The following ANTXRL variants were observed in gnomAD, a reference collection of about 807,000 sequenced individuals.
The protein encoded by ANTXRL is anthrax toxin receptor-like.
ANTXRL carries 63 observed loss-of-function variants against 75.4 expected under a neutral mutation model. That is an observed-to-expected ratio of 0.84 (90% CI 0.68 to 1.03). The LOEUF (loss-of-function observed/expected upper bound fraction) is 1.03, where lower values mean the gene tolerates loss of function less well. Among genes scored for constraint, ANTXRL ranks in the 50% least tolerant of loss-of-function variants. The probability of loss-of-function intolerance (pLI) is 0.00; values close to 1 mark genes in which losing one functional copy is unlikely to be tolerated. For missense variants in ANTXRL, 797 were observed against 789.4 expected, an observed-to-expected ratio of 1.01 and a Z score of -0.12; for synonymous variants, 335 against 291.3, an observed-to-expected ratio of 1.15 and a Z score of -1.53.
intron 1 of ANTXRL, among the ~76,000 whole-genome samples, chr10:46,291,658 C>A (rs1252154797): frequency 6.6e-6 from 1 of 151,992 alleles, no homozygotes; most frequent in African/African-American, 2.4e-5. Flanking sequence ...GTATTTTGTT[C>A]TGTTTGATGC....
At chr10:46,287,795 C>T (rs1242228234) in intron 1 of ANTXRL, among the ~76,000 whole-genome samples, 2 of 152,184 alleles carry the variant, frequency 1.3e-5, no homozygotes, top group East Asian at 3.8e-4. Context: ...CATCCTCACG[C>T]TGCTGCAACA....
At chr10:46,288,637 C>G (rs1836857472) in intron 1 of ANTXRL, among the ~76,000 whole-genome samples, 2 of 152,140 alleles carry the variant, frequency 1.3e-5, no homozygotes. Context: ...CATTCTGTGC[C>G]TTCGTGTCCC....
intron 14 of ANTXRL, 21 bp downstream of exon 14, chr10:46,310,520 C>T (rs1237462744): frequency 3.3e-6 from 5 of 1,535,626 alleles, no homozygotes; most frequent in East Asian, 4.9e-5. Context: ...GTTCTGGTCC[C>T]GATATTGTCA....
chr10:46,329,863 C>A lies in ANTXRL; in HGVS notation c.1675C>A (p.His559Asn). The A allele has an allele frequency of 6.5e-7, 1 of 1,535,358 alleles. No individual in the cohort carries two copies. The highest frequency in any genetic ancestry group is 8.7e-7 in the Non-Finnish European group (1 of 1,146,402). Residue 559 changes from histidine to asparagine, a missense_variant, in exon 17 of 17, where the codon CAC (histidine) becomes AAC (asparagine). Coordinates refer to ENST00000620264, the MANE Select transcript of ANTXRL (RefSeq NM_001278688.3). The part of the protein sequence containing the change: ...APCSPRICLR[H>N]SPEYFSQAQT... ...CTGCAGCCCAAGGATCTGCCTGAGA[C>A]ACAGCCCGGAGTACTTTTCCCAAGC...
At chr10:46,316,819 G>A (rs546489446) in intron 16 of ANTXRL, among the ~76,000 whole-genome samples, 15 of 152,308 alleles carry the variant, frequency 9.8e-5, no homozygotes, top group South Asian at 8.3e-4. Context: ...TGAGGCCAAT[G>A]TCTGTGTGGA....
rs1233836161 is a variant in ANTXRL, at chr10:46,329,946, C to T, written c.1758C>T (p.Leu586=). The T allele has an allele frequency of 2.0e-5, 30 of 1,535,754 alleles. No homozygotes were observed. Among genetic ancestry groups the T allele is most frequent in the Middle Eastern group, 1.7e-4 (1 of 6,004 alleles). ...AACCCAGCCGGGAGTGCCTCCCCCT[C>T]ACCTGCTCCTCCAGGTGCCGCCTCC... ...CLQPSRECLP[L]TCSSRCRLPP... is the part of the protein sequence containing the mutation. Residue 586 remains leucine (L), a synonymous_variant, in exon 17 of 17, where the codon CTC becomes CTT. Coordinates refer to ENST00000620264, the MANE Select transcript of ANTXRL (RefSeq NM_001278688.3).
upstream of ANTXRL, chr10:46,286,926 ATGT>A (rs1453380575): frequency 3.0e-5 from 11 of 372,568 alleles, 1 homozygote; most frequent in South Asian, 3.0e-4. Flanking sequence ...CCTCCCCCTG[ATGT>A]TGTCAACATG....
chr10:46,287,156 G>A lies in ANTXRL; in HGVS notation c.-107G>A, dbSNP rs1836796999. On this transcript the variant is annotated 5_prime_UTR_variant, in exon 1 of 17. Coordinates refer to ENST00000620264, the MANE Select transcript of ANTXRL (RefSeq NM_001278688.3). The stretch of plus-strand genomic sequence containing the variant: ...GGTGAAAGGGCAGGAGGAGGGGTGT[G>A]GCCCCGGGCATAAGGGGAGGCGGCA... The A allele has an allele frequency of 1.4e-6, 2 of 1,395,242 alleles. No individual in the cohort carries two copies. Among genetic ancestry groups the A allele is most frequent in the Non-Finnish European group, 1.9e-6 (2 of 1,053,872 alleles). The allele number at this position is 1,395,242 out of a possible 1,614,324, so 86.4% of individuals were successfully genotyped here. A position where few individuals can be genotyped will look rare whatever the true frequency, so the allele number is the denominator to read the frequency against.
chr10:46,329,914 T>A lies in ANTXRL; in HGVS notation c.1726T>A (p.Cys576Ser). 1 of 1,535,906 alleles carries A rather than the reference T, an allele frequency of 6.5e-7. No individual in the cohort carries two copies. Among genetic ancestry groups the A allele is most frequent in the Non-Finnish European group, 8.7e-7 (1 of 1,146,750 alleles). Reference protein sequence around the residue: ...QAQTLCNPKSCLQPSRECLPL... With the variant: ...QAQTLCNPKSSLQPSRECLPL... ...ACAGACTCTGTGCAACCCAAAGAGC[T>A]GCCTTCAACCCAGCCGGGAGTGCCT... The change falls in exon 17 of 17, where the codon TGC becomes AGC. Residue 576 changes from cysteine to serine, a missense_variant. By Grantham distance (112) the Cys-to-Ser change is moderately radical. Transcript: ENST00000620264.
chr10:46,296,709 G>A (rs1170622606), intron 5 of ANTXRL, among the ~76,000 whole-genome samples: 1 of 152,200 alleles, frequency 6.6e-6, no homozygotes, highest in Admixed American at 6.5e-5. Context: ...AAAAGGCAGG[G>A]CTGGAGAGGA....
chr10:46,319,534 G>A (rs1017529776), intron 16 of ANTXRL, among the ~76,000 whole-genome samples: 9 of 152,104 alleles, frequency 5.9e-5, no homozygotes, highest in Non-Finnish European at 1.3e-4. Context: ...AATCAATCAA[G>A]TCAAGGTTCA....
intron 11 of ANTXRL, 92 bp downstream of exon 11, chr10:46,306,964 C>G (rs1168757299): frequency 5.6e-6 from 6 of 1,079,060 alleles, no homozygotes; most frequent in Non-Finnish European, 6.5e-6. Context: ...GCCCCCCACC[C>G]CCTGCTGGGA....
chr10:46,323,715 C>T (rs1335039578), intron 16 of ANTXRL, among the ~76,000 whole-genome samples: 6 of 152,078 alleles, frequency 3.9e-5, no homozygotes, highest in African/African-American at 1.4e-4. Flanking sequence ...GTAGGAACTT[C>T]TAATACCTGA....
At position 46,299,949 on chromosome 10, in the gene ANTXRL, C is replaced by T. The variant is rs549563152; in HGVS notation, c.796+1887C>T. 4.8e-4 allele frequency among the ~76,000 whole-genome samples: 73 copies of T among 152,298 alleles called. 1 individual carries two copies. The highest frequency in any genetic ancestry group is 1.5e-3 in the African/African-American group (62 of 41,560). ...TGGAGTAGAGAGGGCTCTCCTCCCC[C>T]TCGGGGTCTCTTTCTGTTCCTCCTG... is the stretch of plus-strand genomic sequence containing the variant. On this transcript the variant is annotated intron_variant, in intron 9 of 16. Transcript: ENST00000620264.
At position 46,311,551 on chromosome 10, in the gene ANTXRL, TCCGCCTCCACCACCTCCACTC is replaced by T. The variant is rs1554963482; in HGVS notation, c.1224_1244del (p.Pro411_Pro417del). 1 of 1,533,236 alleles carries T rather than the reference TCCGCCTCCACCACCTCCACTC, an allele frequency of 6.5e-7. No individual in the cohort carries two copies. The highest frequency in any genetic ancestry group is 8.7e-7 in the Non-Finnish European group (1 of 1,145,082). 95.0% of individuals were successfully genotyped at this position (1,533,236 alleles called of 1,614,324 possible). A position where few individuals can be genotyped will look rare whatever the true frequency, so the allele number is the denominator to read the frequency against. On this transcript the variant is annotated inframe_deletion, in exon 15 of 17. Coordinates refer to ENST00000620264, the MANE Select transcript of ANTXRL (RefSeq NM_001278688.3). ...AACCACCATCACCACCACCACCGCC[TCCGCCTCCACCACCTCCACTC>T]CCGCCTCCGCCCCCAGCTCCTGTAA...
chr10:46,302,690 C>G (rs556460752), intron 9 of ANTXRL, 32 bp from the exon 10 acceptor site: 250 of 1,488,068 alleles, frequency 1.7e-4, no homozygotes, highest in Non-Finnish European at 2.2e-4. Flanking sequence ...CCTACTCTTC[C>G]TCACTCAGCC....
At chr10:46,293,397 TGTGA>T (rs1460948364) in intron 2 of ANTXRL, among the ~76,000 whole-genome samples, 114 of 138,242 alleles carry the variant, frequency 8.2e-4, no homozygotes, top group East Asian at 7.4e-3. Context: ...TGCCTGTGTG[TGTGA>T]GTGTGTGCCT....
intron 10 of ANTXRL, among the ~76,000 whole-genome samples, chr10:46,304,857 G>A (rs1402219634): frequency 2.6e-5 from 4 of 152,010 alleles, no homozygotes; most frequent in Admixed American, 1.3e-4. Context: ...ACCTCCGTGA[G>A]TGGCATTCAG....
At position 46,313,977 on chromosome 10, in the gene ANTXRL, C is replaced by T. The variant is rs542152356; in HGVS notation, c.1410+661C>T. 1.9e-3 allele frequency among the ~76,000 whole-genome samples: 293 copies of T among 152,332 alleles called. 7 individuals carry two copies. The highest frequency in any genetic ancestry group is 0.017 in the Admixed American group (255 of 15,298). On this transcript the variant is annotated intron_variant, in intron 16 of 16. Coordinates refer to ENST00000620264, the MANE Select transcript of ANTXRL (RefSeq NM_001278688.3). ...GGCTTCTCTGCTTAGGCCCTGGGGC[C>T]CTGGAGAGCCCTGCTTCTGGCTCGG...
Sources: allele counts gnomAD v4.1 joint callset (sites outside exome capture counted in the v4.1 genomes callset), GRCh38; gene constraint gnomAD v4.1.1; transcripts MANE v1.5; gene names NCBI Gene and HGNC (gene_info 2026-07-23, HGNC 2026-07-21).